The following PRH1 variants were observed in gnomAD, a reference collection of about 807,000 sequenced individuals.
The protein encoded by PRH1 is proline rich protein HaeIII subfamily 1, also known as salivary acidic proline-rich phosphoprotein 1/2.
PRH1 carries 7 observed loss-of-function variants against 7.9 expected under a neutral mutation model. That is an observed-to-expected ratio of 0.89 (90% CI 0.50 to 1.67). The LOEUF (loss-of-function observed/expected upper bound fraction) is 1.67, where lower values mean the gene tolerates loss of function less well. PRH1 is among the 40% of genes most tolerant of loss of function. The probability of loss-of-function intolerance (pLI) is 0.00; values close to 1 mark genes in which losing one functional copy is unlikely to be tolerated. For synonymous variants in PRH1, 45 were observed against 80.8 expected, an observed-to-expected ratio of 0.56 and a Z score of 2.38; for missense variants, 109 against 223.6, an observed-to-expected ratio of 0.49 and a Z score of 3.27.
At chr12:11,015,707 C>G (rs1941262034) in intron 1 of PRH1, among the ~76,000 whole-genome samples, 1 of 152,142 alleles carries the variant, frequency 6.6e-6, no homozygotes, top group Non-Finnish European at 1.5e-5. Flanking sequence ...CAATCCTTCA[C>G]TTAGGAGGTA....
intron 1 of PRH1, among the ~76,000 whole-genome samples, chr12:11,028,612 T>C (rs1488734632): frequency 1.3e-5 from 2 of 152,092 alleles, no homozygotes; most frequent in African/African-American, 2.4e-5. Flanking sequence ...TGAAATGTCA[T>C]TTTTGTTTAA....
chr12:10,922,847 A>T (rs1950068670), intron 2 of PRH1, among the ~76,000 whole-genome samples: 1 of 35,422 alleles, frequency 2.8e-5, no homozygotes, highest in Non-Finnish European at 8.7e-5. Context: ...TTTGAGACGG[A>T]GTCTCGCTCT....
At position 11,133,344 on chromosome 12, in the gene PRH1, C is replaced by G. The variant is rs566536126; in HGVS notation, n.40-12164G>C. ...TGGAGACGAAGGCTTCTGTCTTTCA[C>G]CCAGTACCTCACATGCCGCAAAACT... On this transcript the variant is annotated intron_variant and non_coding_transcript_variant, in intron 1 of 1. Coordinates refer to the PRH1 transcript ENST00000541175. The G allele has an allele frequency of 3.1e-6, 5 of 1,613,534 alleles. No homozygotes were observed. The South Asian group carries it at 4.4e-5, about 14-fold the overall frequency.
chr12:10,999,833 G>C (rs1306875920), intron 1 of PRH1, among the ~76,000 whole-genome samples: 3 of 151,976 alleles, frequency 2.0e-5, no homozygotes, highest in African/African-American at 7.2e-5. Context: ...TGTTCTTCTT[G>C]TTCATGGCTT....
At position 11,100,382 on chromosome 12, in the gene PRH1, T is replaced by G. The variant is rs1045002019; in HGVS notation, n.124-53194A>C. The stretch of plus-strand genomic sequence containing the variant: ...CATCCTCCTGCAACTTGGAAGAAAC[T>G]GGAAATTGATTTGATGTGAGGAGTT... On this transcript the variant is annotated intron_variant and non_coding_transcript_variant, in intron 1 of 4. Transcript: ENST00000541977. 2.0e-5 allele frequency among the ~76,000 whole-genome samples: 3 copies of G among 152,224 alleles called. No individual in the cohort carries two copies. The East Asian group carries it at 5.8e-4, about 29-fold the overall frequency.
chr12:11,046,211 A>G (rs1417728752), intron 1 of PRH1, among the ~76,000 whole-genome samples: 1 of 152,172 alleles, frequency 6.6e-6, no homozygotes, highest in Non-Finnish European at 1.5e-5. Context: ...AAGGTAATGG[A>G]ATGTAGTTTA....
chr12:11,146,493 CTT>C (rs1324613420), intron 1 of PRH1, among the ~76,000 whole-genome samples: 3 of 152,040 alleles, frequency 2.0e-5, no homozygotes, highest in Non-Finnish European at 2.9e-5. Context: ...TTTTAATACT[CTT>C]TCTGTATTCA....
intron 1 of PRH1, among the ~76,000 whole-genome samples, chr12:11,054,517 T>A (rs878993522): frequency 6.6e-6 from 1 of 152,204 alleles, no homozygotes; most frequent in Admixed American, 6.5e-5. Flanking sequence ...TTTCTACTAA[T>A]TCTTCTCTAA....
chr12:11,134,244 T>C, intron 1 of PRH1: 1 of 1,605,894 alleles, frequency 6.2e-7, no homozygotes, highest in Non-Finnish European at 8.5e-7. Context: ...AAAGTTATCA[T>C]GTCTGAACAG....
At chr12:11,060,535 A>G (rs150165778) in intron 1 of PRH1, among the ~76,000 whole-genome samples, 2,318 of 152,216 alleles carry the variant, frequency 0.015, 16 homozygotes, top group South Asian at 0.03. Flanking sequence ...ACTTCAAAAA[A>G]AAAGCTTTTC....
chr12:10,962,983 G>A (rs1938320016), intron 2 of PRH1, among the ~76,000 whole-genome samples: 1 of 152,190 alleles, frequency 6.6e-6, no homozygotes, highest in Admixed American at 6.5e-5. Flanking sequence ...CGTTAGCCAG[G>A]ACGGTCTTGA....
At chr12:11,031,711 A>G (rs1388712514) in intron 1 of PRH1, among the ~76,000 whole-genome samples, 2 of 152,058 alleles carry the variant, frequency 1.3e-5, no homozygotes, top group African/African-American at 4.8e-5. Context: ...TTTTAGAGCG[A>G]TTGGTGCATT....
chr12:10,917,331 T>A (rs1949986756), intron 2 of PRH1, among the ~76,000 whole-genome samples: 1 of 108,430 alleles, frequency 9.2e-6, no homozygotes, highest in South Asian at 3.7e-4. Context: ...AATACAATAA[T>A]TAAGGGATTA....
chr12:11,077,675 G>A lies in PRH1; in HGVS notation n.124-30487C>T, dbSNP rs1944337916. ...AACAGCAGAAAACATATTAGGGTCAGAATGAAGGGTATGAGGTTTGCTAGT... is the reference window on the plus strand; with the variant it reads ...AACAGCAGAAAACATATTAGGGTCAAAATGAAGGGTATGAGGTTTGCTAGT... On this transcript the variant is annotated intron_variant and non_coding_transcript_variant, in intron 1 of 4. Transcript: ENST00000541977. 5.7e-6 allele frequency: 7 copies of A among 1,237,022 alleles called. 2 individuals are homozygous for A. In the Admixed American group the frequency reaches 7.6e-5, roughly 13 times the overall value. The allele number at this position is 1,237,022 out of a possible 1,614,324, so 76.6% of individuals were successfully genotyped here.
intron 1 of PRH1, among the ~76,000 whole-genome samples, chr12:11,082,801 C>T (rs796275965): frequency 5.9e-4 from 58 of 99,014 alleles, no homozygotes; most frequent in East Asian, 7.3e-4. Context: ...TGTTCCACTT[C>T]CATATGAACT....
At chr12:10,909,314 G>T (rs1226739172) in intron 2 of PRH1, 2 of 1,575,968 alleles carry the variant, frequency 1.3e-6, no homozygotes, top group East Asian at 4.5e-5. Context: ...AACAGAGAAA[G>T]TTCAATGTCT....
At chr12:11,140,324 G>A (rs1460640570) in intron 1 of PRH1, among the ~76,000 whole-genome samples, 1 of 152,072 alleles carries the variant, frequency 6.6e-6, no homozygotes, top group Non-Finnish European at 1.5e-5. Flanking sequence ...CTTAATGTAG[G>A]TGTCCATGGG....
intron 1 of PRH1, among the ~76,000 whole-genome samples, chr12:11,032,818 C>A (rs879830046): frequency 6.6e-6 from 1 of 152,194 alleles, no homozygotes; most frequent in Non-Finnish European, 1.5e-5. Context: ...TACCTTGCCC[C>A]TGAACTTGGA....
chr12:10,962,463 T>C (rs1476944409), intron 2 of PRH1, among the ~76,000 whole-genome samples: 2 of 152,216 alleles, frequency 1.3e-5, no homozygotes, highest in African/African-American at 4.8e-5. Context: ...TAGTCTGATA[T>C]AGCTGCATCA....
Sources: gnomAD v4.1 joint callset for allele counts (sites outside exome capture counted in the v4.1 genomes callset) on GRCh38, gnomAD v4.1.1 for gene constraint, MANE v1.5 for transcripts, NCBI Gene and HGNC (gene_info 2026-07-23, HGNC 2026-07-21) for gene names.